Variants in GREB1L observed in about 807,000 individuals in gnomAD.
GREB1L encodes GREB1 like retinoic acid receptor coactivator.
A neutral mutation model predicts 200.8 loss-of-function variants in GREB1L; 17 were observed. The ratio of observed to expected loss-of-function variants is 0.08; its 90% confidence interval spans 0.06 to 0.13. The LOEUF is 0.13. GREB1L is among the 10% of genes least tolerant of loss of function. GREB1L has a pLI of 1.00. For missense variants in GREB1L, 1,657 were observed against 2,367.7 expected, an observed-to-expected ratio of 0.70 and a Z score of 6.23; for synonymous variants, 789 against 893.0, an observed-to-expected ratio of 0.88 and a Z score of 2.08.
At chr18:21,381,889 C>G (rs1245178657) in intron 2 of GREB1L, among the ~76,000 whole-genome samples, 1 of 152,146 alleles carries the variant, frequency 6.6e-6, no homozygotes, top group Non-Finnish European at 1.5e-5. Flanking sequence ...TTTGTCACAG[C>G]TGTTTGGGGA....
rs139149617 is a variant in GREB1L, at chr18:21,247,226, A to G, written c.-120+4833A>G. 1.5e-3 allele frequency among the ~76,000 whole-genome samples: 221 copies of G among 151,324 alleles called. 3 individuals carry two copies. The East Asian group carries it at 0.039, about 27-fold the overall frequency. ...ACCCAACTCTGTATTTGCCCCTACC[A>G]CCCCACCCTTCAGTGCAGTTGTTTT... On this transcript the variant is annotated intron_variant, in intron 1 of 32. Coordinates refer to ENST00000424526, the MANE Select transcript of GREB1L (RefSeq NM_001142966.3).
chr18:21,335,187 A>G (rs1292180979), intron 1 of GREB1L, among the ~76,000 whole-genome samples: 7 of 152,244 alleles, frequency 4.6e-5, no homozygotes, highest in Non-Finnish European at 1.0e-4. Flanking sequence ...TTATTATGGG[A>G]AAAGAGGAGA....
intron 1 of GREB1L, among the ~76,000 whole-genome samples, chr18:21,289,674 C>T (rs1023317617): frequency 2.0e-5 from 3 of 152,118 alleles, no homozygotes; most frequent in African/African-American, 4.8e-5. Flanking sequence ...TTACTTTGCA[C>T]CCTTGATTTA....
At chr18:21,483,967 CT>C (rs757774744) in intron 17 of GREB1L, among the ~76,000 whole-genome samples, 2 of 141,684 alleles carry the variant, frequency 1.4e-5, no homozygotes, top group African/African-American at 2.7e-5. Flanking sequence ...CAGAGTGAGA[CT>C]CCTCAAAAAA....
chr18:21,403,772 A>C, intron 6 of GREB1L, 100 bp from the exon 7 acceptor site: 1 of 958,440 alleles, frequency 1.0e-6, no homozygotes, highest in Non-Finnish European at 1.6e-6. Context: ...CCGCTTAAGG[A>C]GCAGCGATTT....
chr18:21,425,346 TC>T (rs2032479336), intron 7 of GREB1L, among the ~76,000 whole-genome samples: 1 of 152,236 alleles, frequency 6.6e-6, no homozygotes, highest in African/African-American at 2.4e-5. Context: ...TTATGAACAA[TC>T]CTGCTATGAA....
intron 1 of GREB1L, among the ~76,000 whole-genome samples, chr18:21,358,692 G>T (rs2039541126): frequency 6.6e-6 from 1 of 152,216 alleles, no homozygotes; most frequent in African/African-American, 2.4e-5. Flanking sequence ...TGGGGGAAAG[G>T]TTGGGAGTGG....
intron 1 of GREB1L, among the ~76,000 whole-genome samples, chr18:21,323,319 A>G (rs1381458143): frequency 1.3e-5 from 2 of 152,152 alleles, no homozygotes; most frequent in African/African-American, 4.8e-5. Context: ...ATTGAATAAT[A>G]TAAGTTAAAG....
chr18:21,319,797 AC>A (rs2038925095), intron 1 of GREB1L, among the ~76,000 whole-genome samples: 1 of 152,170 alleles, frequency 6.6e-6, no homozygotes, highest in African/African-American at 2.4e-5. Context: ...GAAAAGGAGC[AC>A]CCTTAGAGGC....
intron 1 of GREB1L, among the ~76,000 whole-genome samples, chr18:21,293,090 A>G (rs1165272716): frequency 6.6e-6 from 1 of 152,188 alleles, no homozygotes; most frequent in Non-Finnish European, 1.5e-5. Flanking sequence ...AGGAACAAAG[A>G]GGGGCTGGGG....
chr18:21,340,702 C>T (rs1181535799), intron 1 of GREB1L, among the ~76,000 whole-genome samples: 1 of 151,866 alleles, frequency 6.6e-6, no homozygotes, highest in Non-Finnish European at 1.5e-5. Context: ...GCCACCATGC[C>T]TGGCTAATTT....
At chr18:21,269,940 T>G (rs2038051977) in intron 1 of GREB1L, among the ~76,000 whole-genome samples, 1 of 152,206 alleles carries the variant, frequency 6.6e-6, no homozygotes, top group Non-Finnish European at 1.5e-5. Context: ...AAAACATATT[T>G]TACTTTACTG....
intron 18 of GREB1L, among the ~76,000 whole-genome samples, chr18:21,488,010 CA>C (rs1000068603): frequency 1.3e-3 from 157 of 122,656 alleles, no homozygotes; most frequent in Admixed American, 1.2e-3. Flanking sequence ...GACTCCATCT[CA>C]AAAAAAAAAA....
intron 27 of GREB1L, 100 bp downstream of exon 27, chr18:21,508,691 T>C (rs963860124): frequency 2.8e-5 from 22 of 789,300 alleles, no homozygotes; most frequent in Non-Finnish European, 4.1e-5. Context: ...CTAGAAATTG[T>C]CCTGCCCTCC....
chr18:21,354,804 T>G (rs1158079226), intron 1 of GREB1L, among the ~76,000 whole-genome samples: 1 of 152,200 alleles, frequency 6.6e-6, no homozygotes, highest in Non-Finnish European at 1.5e-5. Flanking sequence ...GGTTGATCAG[T>G]GTTGCTGGAA....
chr18:21,278,239 G>T (rs2038202640), intron 1 of GREB1L, among the ~76,000 whole-genome samples: 1 of 151,780 alleles, frequency 6.6e-6, no homozygotes, highest in African/African-American at 2.4e-5. Context: ...AATTAGCCAG[G>T]CGTGGTGGCA....
At chr18:21,400,340 A>G (rs957117242) in intron 5 of GREB1L, among the ~76,000 whole-genome samples, 1 of 152,102 alleles carries the variant, frequency 6.6e-6, no homozygotes, top group African/African-American at 2.4e-5. Context: ...AATTGTTTGG[A>G]TATTAGATCT....
chr18:21,322,077 C>T (rs1236499055), intron 1 of GREB1L, among the ~76,000 whole-genome samples: 1 of 152,080 alleles, frequency 6.6e-6, no homozygotes, highest in Admixed American at 6.5e-5. Flanking sequence ...GATGTGATTA[C>T]CTCATAAACT....
chr18:21,284,817 T>C (rs533548142), intron 1 of GREB1L, among the ~76,000 whole-genome samples: 13 of 152,352 alleles, frequency 8.5e-5, no homozygotes, highest in Non-Finnish European at 1.6e-4. Flanking sequence ...GTTTGTTCTC[T>C]CGCCATATCC....
Sources: allele counts gnomAD v4.1 joint callset (sites outside exome capture counted in the v4.1 genomes callset), GRCh38; gene constraint gnomAD v4.1.1; transcripts MANE v1.5; gene names NCBI Gene and HGNC (gene_info 2026-07-23, HGNC 2026-07-21).